CCDC178: variants seen among roughly 807,000 people sequenced by gnomAD.
CCDC178 encodes coiled-coil domain-containing protein 178.
In CCDC178, 126 loss-of-function variants were observed where a neutral mutation model predicts 117.4. That is an observed-to-expected ratio of 1.07 (90% confidence interval 0.93 to 1.24). CCDC178 has a LOEUF of 1.24. Among genes scored for constraint, CCDC178 ranks in the 50% most tolerant of loss-of-function variants. The pLI is 0.00. For synonymous variants in CCDC178, 283 were observed against 313.4 expected, an observed-to-expected ratio of 0.90 and a Z score of 1.02; for missense variants, 1,030 against 986.9, an observed-to-expected ratio of 1.04 and a Z score of -0.59.
chr18:33,060,545 A>T (rs781419432), intron 21 of CCDC178, among the ~76,000 whole-genome samples: 2 of 148,790 alleles, frequency 1.3e-5, no homozygotes, highest in African/African-American at 4.9e-5. Context: ...TTAAAATTAC[A>T]TTTTTTTTTT....
intron 12 of CCDC178, among the ~76,000 whole-genome samples, chr18:33,289,609 C>T (rs1057261819): frequency 6.6e-6 from 1 of 151,660 alleles, no homozygotes; most frequent in Non-Finnish European, 1.5e-5. Context: ...GTGAGACTAC[C>T]ATCCCAAGAA....
intron 21 of CCDC178, among the ~76,000 whole-genome samples, chr18:33,085,480 G>A (rs552509671): frequency 6.8e-4 from 104 of 152,094 alleles, no homozygotes; most frequent in Non-Finnish European, 1.3e-3. Flanking sequence ...GGAAAATGGC[G>A]TGAACCTGGG....
chr18:33,155,608 T>C (rs1161201954), intron 20 of CCDC178, among the ~76,000 whole-genome samples: 3 of 152,172 alleles, frequency 2.0e-5, no homozygotes, highest in Admixed American at 6.5e-5. Flanking sequence ...GTTGCAAATA[T>C]CTAGTTTTTA....
chr18:33,392,131 C>CTGGCAT (rs1249871581), intron 4 of CCDC178, among the ~76,000 whole-genome samples: 64 of 152,250 alleles, frequency 4.2e-4, no homozygotes, highest in African/African-American at 1.4e-3. Flanking sequence ...TCCCAAAGTG[C>CTGGCAT]TGGCATTGCA....
At chr18:33,348,739 C>A (rs10853426) in intron 8 of CCDC178, 151 bp downstream of exon 8, 5 of 572,504 alleles carry the variant, frequency 8.7e-6, no homozygotes, top group African/African-American at 1.9e-5. Context: ...AATGCTTAAT[C>A]AAATGATATA....
intron 9 of CCDC178, among the ~76,000 whole-genome samples, chr18:33,345,809 G>C (rs1247016135): frequency 6.6e-6 from 1 of 152,072 alleles, no homozygotes; most frequent in Non-Finnish European, 1.5e-5. Flanking sequence ...TCTTTCAAAA[G>C]TGCTGGTTTA....
intron 12 of CCDC178, among the ~76,000 whole-genome samples, chr18:33,267,630 C>T (rs775389007): frequency 6.6e-6 from 1 of 151,448 alleles, no homozygotes; most frequent in Admixed American, 6.6e-5. Context: ...AATGTATCCT[C>T]ATTAGACTCA....
At chr18:33,216,846 G>T (rs1418522146) in intron 18 of CCDC178, among the ~76,000 whole-genome samples, 1 of 151,796 alleles carries the variant, frequency 6.6e-6, no homozygotes, top group Non-Finnish European at 1.5e-5. Context: ...TTGTTGATAG[G>T]TCCATTGGAG....
chr18:33,250,900 T>C (rs1299271819), intron 14 of CCDC178, among the ~76,000 whole-genome samples: 2 of 151,452 alleles, frequency 1.3e-5, no homozygotes, highest in Admixed American at 6.6e-5. Context: ...AATTCTGAAG[T>C]TCCCAGAGAG....
chr18:32,997,790 G>C (rs914239623), intron 21 of CCDC178, among the ~76,000 whole-genome samples: 1 of 151,712 alleles, frequency 6.6e-6, no homozygotes, highest in African/African-American at 2.4e-5. Context: ...CAAAACAGCA[G>C]GTATCTAAGG....
At chr18:33,325,533 AAAAATTTCC>A (rs1207474171) in intron 10 of CCDC178, among the ~76,000 whole-genome samples, 2 of 152,110 alleles carry the variant, frequency 1.3e-5, no homozygotes, top group Non-Finnish European at 2.9e-5. Context: ...CATTTAATTT[AAAAATTTCC>A]CTCCTCTTCT....
At chr18:33,311,151 T>C (rs930326840) in intron 11 of CCDC178, among the ~76,000 whole-genome samples, 2 of 152,116 alleles carry the variant, frequency 1.3e-5, no homozygotes, top group African/African-American at 2.4e-5. Context: ...TACATTCTCC[T>C]CACTGGAGCA....
rs2062695720 is a variant in CCDC178, at chr18:33,333,285, A to C, written c.768T>G (p.Asn256Lys). The change falls in exon 10 of 23, where the codon AAT (asparagine) becomes AAG (lysine). Residue 256 changes from asparagine to lysine, a missense_variant. Transcript: ENST00000383096. ...EKQKTELEEA[N>K]AKIQADIDYM... ...AGTCTATGTCTGCTTGAATCTTTGC[A>C]TTTGCTTCTTCTAACTCTGTCTTTT... 8 of 1,611,992 alleles carry C rather than the reference A, an allele frequency of 5.0e-6. No individual in the cohort carries two copies. In the East Asian group the frequency reaches 1.8e-4, roughly 36 times the overall value.
At chr18:33,062,463 A>C (rs1009098138) in intron 21 of CCDC178, among the ~76,000 whole-genome samples, 4 of 152,204 alleles carry the variant, frequency 2.6e-5, no homozygotes, top group Admixed American at 2.6e-4. Flanking sequence ...TTCAGCATGC[A>C]AGTGACAGGG....
chr18:32,943,284 A>G (rs1713035687), intron 22 of CCDC178, among the ~76,000 whole-genome samples: 1 of 152,226 alleles, frequency 6.6e-6, no homozygotes, highest in Non-Finnish European at 1.5e-5. Context: ...AGGGAGAAAA[A>G]TATTTCAAGT....
chr18:33,287,301 G>A (rs2060110308), intron 12 of CCDC178, among the ~76,000 whole-genome samples: 1 of 152,140 alleles, frequency 6.6e-6, no homozygotes, highest in African/African-American at 2.4e-5. Context: ...TTAATTGAAT[G>A]CTTAACATGT....
chr18:32,979,800 T>C (rs1335427420), intron 21 of CCDC178, among the ~76,000 whole-genome samples: 1 of 152,116 alleles, frequency 6.6e-6, no homozygotes, highest in Non-Finnish European at 1.5e-5. Flanking sequence ...CCTGAAAAAT[T>C]TGACATGTGA....
chr18:33,013,225 C>A (rs893156645), intron 21 of CCDC178, among the ~76,000 whole-genome samples: 1 of 152,058 alleles, frequency 6.6e-6, no homozygotes, highest in Non-Finnish European at 1.5e-5. Flanking sequence ...TTTCACATTT[C>A]TTTCACCTGC....
chr18:33,293,355 A>G, intron 11 of CCDC178, 43 bp from the exon 12 acceptor site: 1 of 1,247,562 alleles, frequency 8.0e-7, no homozygotes. Context: ...ATTAAAAGAA[A>G]AAATATATTT....
Sources: allele counts gnomAD v4.1 joint callset (sites outside exome capture counted in the v4.1 genomes callset), GRCh38; gene constraint gnomAD v4.1.1; transcripts MANE v1.5; gene names NCBI Gene and HGNC (gene_info 2026-07-23, HGNC 2026-07-21).